The following UBE2E2 variants were observed in gnomAD, a reference collection of about 807,000 sequenced individuals.
UBE2E2 encodes the protein ubiquitin conjugating enzyme E2 E2, also known as ubiquitin-conjugating enzyme E2 E2.
A neutral mutation model predicts 24.7 loss-of-function variants in UBE2E2; 6 were observed. The observed-to-expected ratio is 0.24, with a 90% confidence interval of 0.13 to 0.48. The LOEUF (loss-of-function observed/expected upper bound fraction) is 0.48. Among genes scored for constraint, UBE2E2 ranks in the 20% least tolerant of loss-of-function variants. The probability of loss-of-function intolerance (pLI) is 0.99; values close to 1 mark genes in which losing one functional copy is unlikely to be tolerated. For missense variants in UBE2E2, 169 were observed against 245.0 expected (o/e 0.69, Z 2.07); for synonymous variants, 104 against 83.6 (o/e 1.24, Z -1.33).
intron 3 of UBE2E2, among the ~76,000 whole-genome samples, chr3:23,486,327 ACCT>A (rs1699370652): frequency 6.6e-6 from 1 of 152,154 alleles, no homozygotes; most frequent in African/African-American, 2.4e-5. Context: ...ATGCAGTGGC[ACCT>A]GAAAGCTCAG....
intron 3 of UBE2E2, among the ~76,000 whole-genome samples, chr3:23,301,531 G>A (rs1029979645): frequency 5.9e-5 from 9 of 152,202 alleles, no homozygotes; most frequent in Non-Finnish European, 1.0e-4. Context: ...GTCTGTTGGA[G>A]TTTGCTAGAG....
chr3:23,382,440 C>T (rs113621038), intron 3 of UBE2E2, among the ~76,000 whole-genome samples: 148 of 152,056 alleles, frequency 9.7e-4, no homozygotes, highest in African/African-American at 3.3e-3. Context: ...CCTCAGCCTC[C>T]GAAAGTGCTA....
intron 3 of UBE2E2, among the ~76,000 whole-genome samples, chr3:23,494,425 A>G (rs1194014750): frequency 6.6e-6 from 1 of 152,158 alleles, no homozygotes; most frequent in African/African-American, 2.4e-5. Flanking sequence ...GAGCTATTTT[A>G]CTTTCTTTTG....
At chr3:23,328,619 A>G (rs183669240) in intron 3 of UBE2E2, among the ~76,000 whole-genome samples, 1 of 149,964 alleles carries the variant, frequency 6.7e-6, no homozygotes, top group East Asian at 1.9e-4. Flanking sequence ...GTTTAGTCAC[A>G]TCTGTAGATT....
intron 3 of UBE2E2, among the ~76,000 whole-genome samples, chr3:23,496,820 C>T (rs974550483): frequency 2.0e-5 from 3 of 152,202 alleles, no homozygotes; most frequent in Non-Finnish European, 4.4e-5. Context: ...GTACAGTTGA[C>T]CCTTGAACAA....
chr3:23,402,240 G>C (rs1697244410), intron 3 of UBE2E2, among the ~76,000 whole-genome samples: 1 of 152,106 alleles, frequency 6.6e-6, no homozygotes, highest in Non-Finnish European at 1.5e-5. Flanking sequence ...TGTTTGAAAA[G>C]AATATAAACT....
At chr3:23,561,072 AT>A (rs1251621316) in intron 5 of UBE2E2, among the ~76,000 whole-genome samples, 1 of 152,154 alleles carries the variant, frequency 6.6e-6, no homozygotes, top group Non-Finnish European at 1.5e-5. Context: ...CTTTAGTTTA[AT>A]TAGATCCCAT....
intron 3 of UBE2E2, among the ~76,000 whole-genome samples, chr3:23,297,697 G>C (rs1698950702): frequency 6.6e-6 from 1 of 152,090 alleles, no homozygotes; most frequent in East Asian, 1.9e-4. Flanking sequence ...TAGCCTTGTA[G>C]TATAGTTTGA....
intron 3 of UBE2E2, among the ~76,000 whole-genome samples, chr3:23,221,568 T>A (rs1696642995): frequency 6.6e-6 from 1 of 152,226 alleles, no homozygotes; most frequent in African/African-American, 2.4e-5. Context: ...TTTTTGTGTC[T>A]GGCTTTTAAA....
At chr3:23,205,856 G>A (rs1696131121) in intron 1 of UBE2E2, among the ~76,000 whole-genome samples, 1 of 151,936 alleles carries the variant, frequency 6.6e-6, no homozygotes, top group African/African-American at 2.4e-5. Flanking sequence ...TCAGATTATG[G>A]CTCAGATCAC....
chr3:23,353,436 A>G (rs1377108637), intron 3 of UBE2E2, among the ~76,000 whole-genome samples: 2 of 152,188 alleles, frequency 1.3e-5, no homozygotes, highest in African/African-American at 4.8e-5. Context: ...GGAAAAGAGG[A>G]AGTCAAATTG....
At chr3:23,367,764 A>G (rs1482691875) in intron 3 of UBE2E2, among the ~76,000 whole-genome samples, 2 of 152,030 alleles carry the variant, frequency 1.3e-5, no homozygotes, top group Non-Finnish European at 2.9e-5. Flanking sequence ...CTGTTGTGCA[A>G]AGGCGGAGGG....
intron 3 of UBE2E2, among the ~76,000 whole-genome samples, chr3:23,297,488 A>G (rs899222257): frequency 5.9e-5 from 9 of 152,174 alleles, no homozygotes; most frequent in African/African-American, 2.2e-4. Context: ...ATTTTTGTAT[A>G]AGGTGTAAGG....
chr3:23,251,298 C>T (rs999613030), intron 3 of UBE2E2, among the ~76,000 whole-genome samples: 2 of 152,194 alleles, frequency 1.3e-5, no homozygotes, highest in Non-Finnish European at 2.9e-5. Context: ...CTCCTCCCAA[C>T]GCCCCCCTCA....
chr3:23,212,126 A>G (rs533524579), intron 2 of UBE2E2, among the ~76,000 whole-genome samples: 4 of 152,364 alleles, frequency 2.6e-5, no homozygotes, highest in South Asian at 4.1e-4. Flanking sequence ...GTATAGAACT[A>G]TGATTTGAAA....
At chr3:23,354,366 C>G (rs1157163885) in intron 3 of UBE2E2, among the ~76,000 whole-genome samples, 2 of 152,090 alleles carry the variant, frequency 1.3e-5, no homozygotes, top group African/African-American at 2.4e-5. Context: ...GCAATGGCAA[C>G]AAAAGCCAAA....
rs542828003 is a variant in UBE2E2, at chr3:23,407,986, G to T, written c.228-91622G>T. Among the ~76,000 whole-genome samples, 1 of 151,842 alleles carries T rather than the reference G, an allele frequency of 6.6e-6. No individual in the cohort carries two copies. The highest frequency in any genetic ancestry group is 2.4e-5 in the African/African-American group (1 of 41,326). On this transcript the variant is annotated intron_variant, in intron 3 of 5. Transcript: ENST00000396703. This position sits in a 1 kb window ranked among gnomAD's most constrained non-coding sequence, Gnocchi z 4.0. ...ATGTGTAATTGTGCTTCTGGTGGGG[G>T]CGGGGGAGATGGGCTTTTATTAAAA...
chr3:23,588,959 C>T (rs1165418734), intron 5 of UBE2E2, among the ~76,000 whole-genome samples: 1 of 152,116 alleles, frequency 6.6e-6, no homozygotes, highest in Non-Finnish European at 1.5e-5. Context: ...CTGTCCAGCT[C>T]AGACTCTGGC....
intron 5 of UBE2E2, among the ~76,000 whole-genome samples, chr3:23,547,518 G>T (rs1403632634): frequency 6.6e-6 from 1 of 152,102 alleles, no homozygotes; most frequent in African/African-American, 2.4e-5. Context: ...TAATGTGGTG[G>T]TCTGTTAATA....
Sources: gnomAD v4.1 joint callset for allele counts (sites outside exome capture counted in the v4.1 genomes callset) on GRCh38, gnomAD v4.1.1 for gene constraint, Gnocchi (gnomAD v3.1) non-coding constraint, MANE v1.5 for transcripts, NCBI Gene and HGNC (gene_info 2026-07-23, HGNC 2026-07-21) for gene names.